Variants in SLC35F3 observed in about 807,000 individuals in gnomAD.
SLC35F3 encodes solute carrier family 35 member F3.
In SLC35F3, 25 loss-of-function variants were observed where a neutral mutation model predicts 49.9. The observed-to-expected ratio is 0.50, with a 90% confidence interval of 0.37 to 0.70. The LOEUF is 0.70. Ranked by LOEUF, SLC35F3 falls within the 30% of genes least tolerant of loss-of-function variation. The pLI is 0.00. For missense variants in SLC35F3, 525 were observed against 639.8 expected (o/e 0.82, Z 1.94); for synonymous variants, 275 against 265.4 (o/e 1.04, Z -0.35).
intron 4 of SLC35F3, 65 bp downstream of exon 4, chr1:234,309,385 C>T (rs1657293838): frequency 7.1e-7 from 1 of 1,399,766 alleles, no homozygotes; most frequent in Non-Finnish European, 1.0e-6. Flanking sequence ...TGCCCATCGG[C>T]TTGCTTAGCT....
At chr1:233,999,615 C>T (rs1159795315) in intron 2 of SLC35F3, among the ~76,000 whole-genome samples, 2 of 152,110 alleles carry the variant, frequency 1.3e-5, no homozygotes, top group African/African-American at 2.4e-5. Context: ...AGTGCCTCCA[C>T]TTATCCCTTC....
At chr1:233,955,461 T>C (rs1662681111) in intron 2 of SLC35F3, among the ~76,000 whole-genome samples, 1 of 152,206 alleles carries the variant, frequency 6.6e-6, no homozygotes, top group Non-Finnish European at 1.5e-5. Context: ...TTCATCCTCC[T>C]ACAACCTGCA....
chr1:234,204,461 C>T (rs1666943625), intron 2 of SLC35F3, among the ~76,000 whole-genome samples: 1 of 152,168 alleles, frequency 6.6e-6, no homozygotes. Flanking sequence ...CAGCGTGATT[C>T]CCCTGCCAAG....
intron 2 of SLC35F3, among the ~76,000 whole-genome samples, chr1:234,082,979 C>T (rs1471586283): frequency 1.3e-5 from 2 of 152,176 alleles, no homozygotes; most frequent in East Asian, 3.9e-4. Flanking sequence ...TCCTTGCTTC[C>T]TAACTGTGAG....
intron 2 of SLC35F3, among the ~76,000 whole-genome samples, chr1:234,017,664 A>G (rs547465176): frequency 9.9e-4 from 143 of 145,018 alleles, no homozygotes; most frequent in Middle Eastern, 3.6e-3. Context: ...CAGTGAGCCG[A>G]GATCGCACCA....
chr1:234,116,119 TC>T (rs1665482774), intron 2 of SLC35F3, among the ~76,000 whole-genome samples: 1 of 152,228 alleles, frequency 6.6e-6, no homozygotes, highest in Non-Finnish European at 1.5e-5. Flanking sequence ...TGTATTTGTC[TC>T]ATGCTTAGTA....
chr1:233,911,156 G>A (rs183380413), intron 2 of SLC35F3, among the ~76,000 whole-genome samples: 15 of 152,312 alleles, frequency 9.8e-5, no homozygotes, highest in South Asian at 2.1e-4. Context: ...TCTTCCTAGC[G>A]TCCCTGTTAG....
chr1:234,186,953 C>T (rs1158402294), intron 2 of SLC35F3, among the ~76,000 whole-genome samples: 1 of 152,166 alleles, frequency 6.6e-6, no homozygotes, highest in Non-Finnish European at 1.5e-5. Flanking sequence ...TAACCTGGCT[C>T]TGCATCCTGT....
At chr1:234,110,504 A>G (rs924597773) in intron 2 of SLC35F3, among the ~76,000 whole-genome samples, 1 of 152,282 alleles carries the variant, frequency 6.6e-6, no homozygotes, top group Non-Finnish European at 1.5e-5. Context: ...TAGGTGTTCA[A>G]TAAACATTTG....
Position 234,064,899 on chromosome 1 carries a change from A to T in SLC35F3, c.283+159141A>T, listed in dbSNP as rs112514790. 1.7e-3 allele frequency among the ~76,000 whole-genome samples: 253 copies of T among 152,270 alleles called. 1 individual carries two copies. Among genetic ancestry groups the T allele is most frequent in the Middle Eastern group, 6.8e-3 (2 of 294 alleles). ...GCAGATATTGAAAGCCGGCCAGAAT[A>T]GGATATTCTGAAGGGTCATGATCAA... On this transcript the variant is annotated intron_variant, in intron 2 of 7. Coordinates refer to ENST00000366618, the MANE Select transcript of SLC35F3 (RefSeq NM_173508.4).
At chr1:234,075,830 G>A (rs1275231563) in intron 2 of SLC35F3, among the ~76,000 whole-genome samples, 1 of 152,312 alleles carries the variant, frequency 6.6e-6, no homozygotes, top group South Asian at 2.1e-4. Flanking sequence ...GCTACTCTGT[G>A]TTCACCTTAT....
At chr1:234,276,310 C>T (rs12048102) in intron 3 of SLC35F3, among the ~76,000 whole-genome samples, 9,180 of 152,130 alleles carry the variant, frequency 0.06, 331 homozygotes, top group African/African-American at 0.098. Context: ...GCTCTGAATG[C>T]CTGTCTTTTC....
At chr1:234,083,127 G>T (rs1664906780) in intron 2 of SLC35F3, among the ~76,000 whole-genome samples, 1 of 152,194 alleles carries the variant, frequency 6.6e-6, no homozygotes, top group Non-Finnish European at 1.5e-5. Flanking sequence ...TCTAGGCAAA[G>T]ACATGTTAAT....
chr1:234,254,316 T>C lies in SLC35F3; in HGVS notation c.608+22575T>C, dbSNP rs112305532. 7.7e-3 allele frequency among the ~76,000 whole-genome samples: 1,170 copies of C among 152,322 alleles called. 15 individuals are homozygous for C. The highest frequency in any genetic ancestry group is 0.027 in the African/African-American group (1,105 of 41,562). On this transcript the variant is annotated intron_variant, in intron 3 of 7. Transcript: ENST00000366618. The stretch of plus-strand genomic sequence containing the variant: ...CTCATTTCAGCCTCAAGCAGTTACA[T>C]CAGACCTAACAAGTCAACCAAGAAG...
At chr1:233,930,115 C>T (rs1217505775) in intron 2 of SLC35F3, among the ~76,000 whole-genome samples, 3 of 151,162 alleles carry the variant, frequency 2.0e-5, no homozygotes, top group Non-Finnish European at 4.4e-5. Flanking sequence ...TGCTATTGTA[C>T]TCCAGCCTGG....
chr1:234,241,966 G>A (rs1229423840), intron 3 of SLC35F3, among the ~76,000 whole-genome samples: 1 of 152,112 alleles, frequency 6.6e-6, no homozygotes, highest in African/African-American at 2.4e-5. Flanking sequence ...ATTTCTTTGG[G>A]TAATAATCCA....
chr1:234,090,714 G>T (rs1572048281), intron 2 of SLC35F3, among the ~76,000 whole-genome samples: 1 of 152,180 alleles, frequency 6.6e-6, no homozygotes, highest in African/African-American at 2.4e-5. Context: ...CACTTTTTGG[G>T]TTCCTGCACA....
chr1:234,111,924 C>A (rs1665412909), intron 2 of SLC35F3, among the ~76,000 whole-genome samples: 1 of 152,198 alleles, frequency 6.6e-6, no homozygotes, highest in African/African-American at 2.4e-5. Context: ...CCATCAGGAT[C>A]CTGGGGGAGA....
chr1:234,253,288 C>T (rs1042355510), intron 3 of SLC35F3, among the ~76,000 whole-genome samples: 1 of 151,456 alleles, frequency 6.6e-6, no homozygotes, highest in Non-Finnish European at 1.5e-5. Context: ...ATGGCGCCAC[C>T]GCACTCCAGC....
Sources: allele counts gnomAD v4.1 joint callset (sites outside exome capture counted in the v4.1 genomes callset), GRCh38; gene constraint gnomAD v4.1.1; transcripts MANE v1.5; gene names NCBI Gene and HGNC (gene_info 2026-07-23, HGNC 2026-07-21).